The following RALA variants were observed in gnomAD, a reference collection of about 807,000 sequenced individuals.
The protein encoded by RALA is RAS like proto-oncogene A, also known as ras-related protein Ral-A.
RALA carries 5 observed loss-of-function variants against 24.0 expected under a neutral mutation model. The observed-to-expected ratio is 0.21, with a 90% CI of 0.11 to 0.44. RALA has a LOEUF of 0.44. Ranked by LOEUF, RALA falls within the 20% of genes least tolerant of loss-of-function variation. The pLI is 0.99. For missense variants in RALA, 95 were observed against 241.2 expected (o/e 0.39, Z 4.01); for synonymous variants, 77 against 83.8 (o/e 0.92, Z 0.44).
At chr7:39,637,554 G>A (rs1791705374) in intron 1 of RALA, among the ~76,000 whole-genome samples, 2 of 152,108 alleles carry the variant, frequency 1.3e-5, no homozygotes, top group South Asian at 2.1e-4. Context: ...TATACTTTTA[G>A]TTTCATTTGT....
At chr7:39,666,325 G>T (rs893626378) in intron 1 of RALA, among the ~76,000 whole-genome samples, 8 of 152,174 alleles carry the variant, frequency 5.3e-5, no homozygotes, top group Admixed American at 5.2e-4. Flanking sequence ...AAACACTGAG[G>T]ATAGGAGGAG....
intron 1 of RALA, among the ~76,000 whole-genome samples, chr7:39,630,033 T>G (rs1239259751): frequency 6.6e-6 from 1 of 151,908 alleles, no homozygotes; most frequent in Admixed American, 6.6e-5. Flanking sequence ...CGAGCTTTCT[T>G]TTACTTTTTT....
intron 1 of RALA, among the ~76,000 whole-genome samples, chr7:39,656,259 A>G (rs1792094558): frequency 6.6e-6 from 1 of 152,172 alleles, no homozygotes; most frequent in African/African-American, 2.4e-5. Context: ...GAGATTGACA[A>G]CTCTATTTAG....
At chr7:39,664,567 C>G (rs1792252575) in intron 1 of RALA, among the ~76,000 whole-genome samples, 1 of 152,048 alleles carries the variant, frequency 6.6e-6, no homozygotes, top group African/African-American at 2.4e-5. Flanking sequence ...TCATTACACA[C>G]AGCACTCTGT....
At chr7:39,652,610 A>G (rs1408098200) in intron 1 of RALA, among the ~76,000 whole-genome samples, 1 of 152,188 alleles carries the variant, frequency 6.6e-6, no homozygotes, top group African/African-American at 2.4e-5. Flanking sequence ...AAGCAATTCT[A>G]ATATTCCTCA....
intron 1 of RALA, among the ~76,000 whole-genome samples, chr7:39,660,712 A>T (rs1217714619): frequency 2.0e-5 from 3 of 152,162 alleles, no homozygotes; most frequent in African/African-American, 7.2e-5. Context: ...ATATATTGGA[A>T]ATTTTTTTAC....
At chr7:39,674,382 A>T (rs920653336) in intron 1 of RALA, among the ~76,000 whole-genome samples, 4 of 152,214 alleles carry the variant, frequency 2.6e-5, no homozygotes, top group Non-Finnish European at 4.4e-5. Flanking sequence ...TATTAATATC[A>T]GAAATTATGA....
At chr7:39,629,490 C>G (rs578149684) in intron 1 of RALA, among the ~76,000 whole-genome samples, 1 of 152,324 alleles carries the variant, frequency 6.6e-6, no homozygotes, top group East Asian at 1.9e-4. Context: ...TCTCTGCTCA[C>G]TGCAACCTCT....
rs1394392122 is a variant in RALA, at chr7:39,707,645, C to G, written c.*1400C>G. On this transcript the variant is annotated 3_prime_UTR_variant, in exon 5 of 5. Coordinates refer to ENST00000005257, the MANE Select transcript of RALA (RefSeq NM_005402.4). ...TGCAGTGGGGCTAGGACAGTTGATT[C>G]AACAAAGTATTTTTTTCTTTTTTCT... The G allele has an allele frequency of 6.6e-6, 1 of 151,926 alleles. No homozygotes were observed. Among genetic ancestry groups the G allele is most frequent in the Non-Finnish European group, 1.5e-5 (1 of 67,940 alleles). The allele number at this position is 151,926 out of a possible 1,614,324, so 9.4% of individuals were successfully genotyped here.
chr7:39,629,831 G>A (rs1285317280), intron 1 of RALA, among the ~76,000 whole-genome samples: 5 of 152,082 alleles, frequency 3.3e-5, no homozygotes, highest in East Asian at 1.9e-4. Flanking sequence ...TCCTGACCTC[G>A]TGATCCACCT....
Position 39,706,154 on chromosome 7 carries a change from C to T in RALA, c.530C>T (p.Ala177Val), listed in dbSNP as rs772097468. ...TTTGATTTAATGAGAGAAATTCGAG[C>T]GAGAAAGATGGAAGACAGCAAAGAA... ...VFFDLMREIRARKMEDSKEKN... is the reference protein window; with the variant it reads ...VFFDLMREIRVRKMEDSKEKN... Residue 177 changes from alanine (A) to valine (V), a missense_variant, in exon 5 of 5, where the codon GCG becomes GTG. Physicochemically the swap from Ala to Val is moderately conservative, Grantham distance 64. Coordinates refer to ENST00000005257, the MANE Select transcript of RALA (RefSeq NM_005402.4). 4 of 1,600,958 alleles carry T rather than the reference C, an allele frequency of 2.5e-6. No homozygotes were observed. Among genetic ancestry groups the T allele is most frequent in the East Asian group, 2.3e-5 (1 of 44,404 alleles).
At chr7:39,659,173 ATGGT>A (rs1792143570) in intron 1 of RALA, among the ~76,000 whole-genome samples, 1 of 152,008 alleles carries the variant, frequency 6.6e-6, no homozygotes, top group Non-Finnish European at 1.5e-5. Context: ...TGGGGATGAA[ATGGT>A]CTGAGGCAGG....
intron 1 of RALA, among the ~76,000 whole-genome samples, chr7:39,674,175 G>C (rs2116032688): frequency 6.6e-6 from 1 of 152,234 alleles, no homozygotes; most frequent in Admixed American, 6.6e-5. Flanking sequence ...AAACTCCTGG[G>C]CTCAAACCAT....
At chr7:39,699,139 T>TA (rs1485604590) in intron 4 of RALA, among the ~76,000 whole-genome samples, 2 of 126,850 alleles carry the variant, frequency 1.6e-5, no homozygotes, top group African/African-American at 6.0e-5. Context: ...TTTTTTTTTT[T>TA]TTTTTTTTTT....
At chr7:39,691,426 T>C (rs998806610) in intron 3 of RALA, among the ~76,000 whole-genome samples, 7 of 152,156 alleles carry the variant, frequency 4.6e-5, no homozygotes, top group African/African-American at 1.7e-4. Context: ...CCTAGATGAA[T>C]ATATAAGGCA....
chr7:39,631,917 C>T (rs965510385), intron 1 of RALA, among the ~76,000 whole-genome samples: 1 of 152,174 alleles, frequency 6.6e-6, no homozygotes, highest in African/African-American at 2.4e-5. Context: ...ATGACACCAA[C>T]ATCTGCTTGG....
intron 1 of RALA, among the ~76,000 whole-genome samples, chr7:39,678,303 A>G (rs1166028766): frequency 6.6e-6 from 1 of 152,180 alleles, no homozygotes; most frequent in African/African-American, 2.4e-5. Context: ...TGCAGCAGAA[A>G]CGGGAAACTA....
intron 1 of RALA, among the ~76,000 whole-genome samples, chr7:39,681,692 G>T (rs1019683703): frequency 6.6e-6 from 1 of 151,622 alleles, no homozygotes; most frequent in African/African-American, 2.4e-5. Flanking sequence ...CCACTTTCTC[G>T]TATCTATCTT....
At chr7:39,680,121 A>G (rs560619129) in intron 1 of RALA, among the ~76,000 whole-genome samples, 2 of 152,190 alleles carry the variant, frequency 1.3e-5, no homozygotes, top group South Asian at 2.1e-4. Flanking sequence ...TGTAGTCCCA[A>G]CACTTTGGGA....
Sources: allele counts gnomAD v4.1 joint callset (sites outside exome capture counted in the v4.1 genomes callset), GRCh38; gene constraint gnomAD v4.1.1; transcripts MANE v1.5; gene names NCBI Gene and HGNC (gene_info 2026-07-23, HGNC 2026-07-21).